The following SDK1 variants were observed in gnomAD, a reference collection of about 807,000 sequenced individuals.
SDK1 encodes protein sidekick-1.
SDK1 carries 157 observed loss-of-function variants against 245.5 expected under a neutral mutation model. The observed-to-expected ratio is 0.64, with a 90% CI of 0.56 to 0.73. The LOEUF (loss-of-function observed/expected upper bound fraction) is 0.73. Among genes scored for constraint, SDK1 ranks in the 30% least tolerant of loss-of-function variants. The probability of loss-of-function intolerance (pLI) is 0.00; values close to 1 mark genes in which losing one functional copy is unlikely to be tolerated. For synonymous variants in SDK1, 1,647 were observed against 1,278.5 expected (o/e 1.29, Z -6.15); for missense variants, 3,583 against 3,002.3 (o/e 1.19, Z -4.52).
At chr7:3,791,932 T>C in intron 4 of SDK1, among the ~76,000 whole-genome samples, 1 of 151,836 alleles carries the variant, frequency 6.6e-6, no homozygotes, top group Non-Finnish European at 1.5e-5. Flanking sequence ...GAAACCAGCC[T>C]GGGCAACACA....
chr7:4,021,007 AG>A (rs1393167831), intron 17 of SDK1, among the ~76,000 whole-genome samples: 1 of 152,150 alleles, frequency 6.6e-6, no homozygotes, highest in Non-Finnish European at 1.5e-5. Flanking sequence ...ATGCTTCCAT[AG>A]GGGCCATTAC....
At position 3,676,096 on chromosome 7, in the gene SDK1, G is replaced by C. The variant is rs148911741; in HGVS notation, c.713+33991G>C. On this transcript the variant is annotated intron_variant, in intron 4 of 44. Coordinates refer to ENST00000404826, the MANE Select transcript of SDK1 (RefSeq NM_152744.4). ...TTCTTCCACCTCAGCCTCCCAAGTAGCTGGGACTACAGGTGCATGCCATCA... is the reference window on the plus strand; with the variant it reads ...TTCTTCCACCTCAGCCTCCCAAGTACCTGGGACTACAGGTGCATGCCATCA... 4.4e-3 allele frequency among the ~76,000 whole-genome samples: 670 copies of C among 152,226 alleles called. 2 individuals are homozygous for C. Among genetic ancestry groups the C allele is most frequent in the Non-Finnish European group, 7.6e-3 (514 of 68,012 alleles).
intron 1 of SDK1, among the ~76,000 whole-genome samples, chr7:3,315,243 C>G (rs949894522): frequency 2.6e-5 from 4 of 152,150 alleles, no homozygotes; most frequent in Admixed American, 6.5e-5. Flanking sequence ...GTAGAGTGTA[C>G]TAGCTTGTTT....
intron 1 of SDK1, among the ~76,000 whole-genome samples, chr7:3,397,328 C>T (rs1330762291): frequency 6.6e-6 from 1 of 151,898 alleles, no homozygotes; most frequent in African/African-American, 2.4e-5. Flanking sequence ...ATTTGAATTA[C>T]TTCAGCTGGA....
chr7:3,843,659 A>G (rs935661227), intron 5 of SDK1, among the ~76,000 whole-genome samples: 2 of 152,212 alleles, frequency 1.3e-5, no homozygotes, highest in African/African-American at 4.8e-5. Flanking sequence ...AAAGGGCCTT[A>G]TTATGAAGCT....
chr7:4,184,478 TGG>T, intron 35 of SDK1, among the ~76,000 whole-genome samples: 1 of 152,308 alleles, frequency 6.6e-6, no homozygotes, highest in East Asian at 1.9e-4. Flanking sequence ...AGAATGTACC[TGG>T]CCCGGGGTCA....
chr7:3,414,500 A>G (rs1402992483), intron 1 of SDK1, among the ~76,000 whole-genome samples: 1 of 152,142 alleles, frequency 6.6e-6, no homozygotes, highest in African/African-American at 2.4e-5. Context: ...CTTTTACATG[A>G]ATATCTATAG....
chr7:3,698,341 G>A (rs1784635274), intron 4 of SDK1, among the ~76,000 whole-genome samples: 1 of 152,140 alleles, frequency 6.6e-6, no homozygotes, highest in Non-Finnish European at 1.5e-5. Flanking sequence ...GTGTGGTCAC[G>A]CGTTCCCTCT....
At chr7:3,476,600 A>G (rs984198866) in intron 1 of SDK1, among the ~76,000 whole-genome samples, 3 of 152,174 alleles carry the variant, frequency 2.0e-5, no homozygotes, top group Non-Finnish European at 4.4e-5. Context: ...TACCTATGCC[A>G]TTGTTTTTTG....
intron 4 of SDK1, among the ~76,000 whole-genome samples, chr7:3,775,556 T>C (rs1056193138): frequency 2.0e-5 from 3 of 151,638 alleles, no homozygotes; most frequent in Non-Finnish European, 2.9e-5. Flanking sequence ...TTTTTATTTA[T>C]TAGTACCTCT....
chr7:4,004,178 G>A (rs1785283678), intron 14 of SDK1, among the ~76,000 whole-genome samples: 1 of 152,210 alleles, frequency 6.6e-6, no homozygotes, highest in African/African-American at 2.4e-5. Flanking sequence ...AGCTCCTACT[G>A]TGTGTCAGGC....
chr7:3,891,253 T>G (rs1374923602), intron 5 of SDK1, among the ~76,000 whole-genome samples: 3 of 152,126 alleles, frequency 2.0e-5, no homozygotes, highest in African/African-American at 7.2e-5. Flanking sequence ...GGGTGTCGAT[T>G]GGGCCTCAGT....
intron 1 of SDK1, among the ~76,000 whole-genome samples, chr7:3,561,966 T>G (rs1779764405): frequency 6.6e-6 from 1 of 152,242 alleles, no homozygotes; most frequent in East Asian, 1.9e-4. Context: ...TGAGAAAGAT[T>G]AACACAAATG....
At chr7:3,659,284 T>C (rs1484723142) in intron 4 of SDK1, among the ~76,000 whole-genome samples, 1 of 152,178 alleles carries the variant, frequency 6.6e-6, no homozygotes, top group Non-Finnish European at 1.5e-5. Context: ...ACTGGTATGA[T>C]ATCACATAGG....
At chr7:3,572,657 C>G (rs1436006770) in intron 1 of SDK1, among the ~76,000 whole-genome samples, 2 of 152,012 alleles carry the variant, frequency 1.3e-5, no homozygotes, top group African/African-American at 4.8e-5. Context: ...GGCAACTATT[C>G]AGTCATCTAT....
At chr7:3,539,852 G>A (rs1044646214) in intron 1 of SDK1, among the ~76,000 whole-genome samples, 6 of 152,190 alleles carry the variant, frequency 3.9e-5, no homozygotes, top group Admixed American at 1.3e-4. Context: ...AATGACAGCC[G>A]AAATTTGGCC....
chr7:3,867,362 CT>C (rs551794322), intron 5 of SDK1, among the ~76,000 whole-genome samples: 3 of 152,238 alleles, frequency 2.0e-5, no homozygotes, highest in African/African-American at 7.2e-5. Flanking sequence ...AAATGCAGCC[CT>C]TTTGATTAAG....
rs565162869 is a variant in SDK1 at position 3,755,881 on chromosome 7, ATGT to A, written c.714-65563_714-65561del. The stretch of plus-strand genomic sequence containing the variant: ...ATGGCATAGTGCGTGTGACACATGC[ATGT>A]TGTTGCATGTTTTGAATCTGACTCA... On this transcript the variant is annotated intron_variant, in intron 4 of 44. Transcript: ENST00000404826. Among the ~76,000 whole-genome samples, 59 of 152,174 alleles carry A rather than the reference ATGT, an allele frequency of 3.9e-4. 1 individual carries two copies. Among genetic ancestry groups the A allele is most frequent in the Admixed American group, 2.1e-3 (32 of 15,298 alleles).
At chr7:3,915,621 T>C (rs1056729243) in intron 5 of SDK1, among the ~76,000 whole-genome samples, 10 of 152,334 alleles carry the variant, frequency 6.6e-5, no homozygotes, top group African/African-American at 2.2e-4. Flanking sequence ...ATTAAGCCTC[T>C]TTTTCTTTAT....
Sources: allele counts gnomAD v4.1 joint callset (sites outside exome capture counted in the v4.1 genomes callset), GRCh38; gene constraint gnomAD v4.1.1; transcripts MANE v1.5; gene names NCBI Gene and HGNC (gene_info 2026-07-23, HGNC 2026-07-21).